Variants in CAPSL observed in about 807,000 individuals in gnomAD.
The protein encoded by CAPSL is calcyphosine like.
CAPSL carries 17 observed loss-of-function variants against 21.3 expected under a neutral mutation model. That is an observed-to-expected ratio of 0.80 (90% CI 0.55 to 1.20). The LOEUF (loss-of-function observed/expected upper bound fraction) is 1.20. Ranked by LOEUF, CAPSL falls within the 50% of genes most tolerant of loss-of-function variation. The pLI is 0.00. For missense variants in CAPSL, 289 were observed against 259.3 expected (o/e 1.11, Z -0.79); for synonymous variants, 102 against 89.3 (o/e 1.14, Z -0.80).
In CAPSL at chr5:35,910,047, A is replaced by G; in HGVS notation, c.344T>C (p.Val115Ala). ...TAACTTTCTAAAAGCTTGCATGATT[A>G]CCTCTTTTCTGGCTCTGGACATTGG... ...RPPMSRARKE[V>A]IMQAFRKLDK... The change falls in exon 4 of 5, where the codon GTA becomes GCA. Residue 115 changes from valine to alanine, a missense_variant. Transcript: ENST00000651391. 6.2e-7 allele frequency: 1 copy of G among 1,612,426 alleles called. No homozygotes were observed. Among genetic ancestry groups the G allele is most frequent in the Non-Finnish European group, 8.5e-7 (1 of 1,179,498 alleles).
chr5:35,925,112 C>A (rs852242), intron 1 of CAPSL, among the ~76,000 whole-genome samples: 1 of 152,080 alleles, frequency 6.6e-6, no homozygotes, highest in East Asian at 1.9e-4. Flanking sequence ...TCTGCACATT[C>A]CCCCGGCCAG....
In CAPSL at chr5:35,909,992, G is replaced by T. The variant is rs1428840754; in HGVS notation, c.399C>A (p.Ile133=). Residue 133 remains isoleucine (I), a synonymous_variant, in exon 4 of 5, where the codon ATC becomes ATA. Coordinates refer to ENST00000651391, the MANE Select transcript of CAPSL (RefSeq NM_001042625.2). ...CATTATATACTTCACGAAGGTCTTC[G>T]ATTGTTATAACACCATCTCCAGTCT... The part of the protein sequence containing the change: ...LDKTGDGVIT[I]EDLREVYNAK... 2 of 1,613,740 alleles carry T rather than the reference G, an allele frequency of 1.2e-6. No individual in the cohort carries two copies. Among genetic ancestry groups the T allele is most frequent in the East Asian group, 2.2e-5 (1 of 44,872 alleles).
chr5:35,919,389 C>T (rs986472477), intron 2 of CAPSL, among the ~76,000 whole-genome samples: 28 of 152,022 alleles, frequency 1.8e-4, no homozygotes, highest in Middle Eastern at 3.4e-3. Context: ...TAAGAAAGAA[C>T]GTATACTGTT....
At chr5:35,923,357 T>C (rs1166750175) in intron 1 of CAPSL, among the ~76,000 whole-genome samples, 1 of 152,178 alleles carries the variant, frequency 6.6e-6, no homozygotes, top group Non-Finnish European at 1.5e-5. Flanking sequence ...GCATCAGTGG[T>C]GCCCCCACTA....
At chr5:35,936,463 C>T (rs1738949690) in intron 1 of CAPSL, among the ~76,000 whole-genome samples, 1 of 152,188 alleles carries the variant, frequency 6.6e-6, no homozygotes, top group African/African-American at 2.4e-5. Context: ...CTTTCTCATG[C>T]CCCATTCATA....
chr5:35,936,897 A>T (rs1738960951), intron 1 of CAPSL, among the ~76,000 whole-genome samples: 1 of 152,214 alleles, frequency 6.6e-6, no homozygotes, highest in African/African-American at 2.4e-5. Flanking sequence ...ACCTACAGAC[A>T]CTTTCAGTTT....
chr5:35,919,192 A>ATATATATATATAT (rs1561439742), intron 2 of CAPSL, among the ~76,000 whole-genome samples: 61 of 108,230 alleles, frequency 5.6e-4, no homozygotes, highest in African/African-American at 1.8e-3. Context: ...TATATATATA[A>ATATATATATATAT]AAATTGTGAA....
At chr5:35,916,542 C>T (rs1738391573) in intron 2 of CAPSL, among the ~76,000 whole-genome samples, 1 of 151,960 alleles carries the variant, frequency 6.6e-6, no homozygotes, top group African/African-American at 2.4e-5. Flanking sequence ...CAGAACAGAG[C>T]CCTCAGAAAT....
At chr5:35,937,927 T>C (rs1178706946) in intron 1 of CAPSL, among the ~76,000 whole-genome samples, 4 of 151,966 alleles carry the variant, frequency 2.6e-5, no homozygotes, top group Non-Finnish European at 2.9e-5. Context: ...GCCTGGGTCA[T>C]TGGTGTTGTC....
chr5:35,915,157 T>C (rs958591049), intron 2 of CAPSL, among the ~76,000 whole-genome samples: 4 of 151,938 alleles, frequency 2.6e-5, no homozygotes, highest in Non-Finnish European at 4.4e-5. Context: ...AAGACTAAAC[T>C]AGGAAGAAGT....
intron 1 of CAPSL, among the ~76,000 whole-genome samples, chr5:35,932,374 T>C (rs993328017): frequency 1.3e-5 from 2 of 152,116 alleles, no homozygotes; most frequent in African/African-American, 2.4e-5. Flanking sequence ...TCCTACATAA[T>C]AGCCATAGCA....
At position 35,927,849 on chromosome 5, in the gene CAPSL, C is replaced by A. The variant is rs188719256; in HGVS notation, c.1-6729G>T. On this transcript the variant is annotated intron_variant, in intron 1 of 4. Transcript: ENST00000651391. ...ATTCAATAAACTAGCTATTACTACA[C>A]GGTAGATGGCAAAAACCCATAGTTC... Among the ~76,000 whole-genome samples, 6 of 152,280 alleles carry A rather than the reference C, an allele frequency of 3.9e-5. 1 individual carries two copies. In the South Asian group the frequency reaches 1.2e-3, roughly 32 times the overall value.
At position 35,910,022 on chromosome 5, in the gene CAPSL, T is replaced by C; in HGVS notation, c.369A>G (p.Leu123=). Residue 123 remains leucine (L), a synonymous_variant, in exon 4 of 5, where the codon TTA becomes TTG. Transcript: ENST00000651391. ...TTATAACACCATCTCCAGTCTTGTC[T>C]AACTTTCTAAAAGCTTGCATGATTA... ...KEVIMQAFRK[L]DKTGDGVITI... The C allele has an allele frequency of 6.2e-7, 1 of 1,613,420 alleles. No individual in the cohort carries two copies. The highest frequency in any genetic ancestry group is 8.5e-7 in the Non-Finnish European group (1 of 1,179,810).
rs76254880 is a variant in CAPSL, at chr5:35,909,938, C to T, written c.453G>A (p.Gly151=). 6.9e-4 allele frequency: 1,108 copies of T among 1,613,862 alleles called. 14 individuals are homozygous for T. In the East Asian group the frequency reaches 0.021, roughly 31 times the overall value. The part of the protein sequence containing the change: ...NAKHHPKYQN[G]EWSEEQVFRK... Reference sequence around the variant, plus strand: ...TAAATACTTGTTCCTCACTCCATTCCCCATTCTGGTACTTTGGGTGGTGTT... The same window carrying T: ...TAAATACTTGTTCCTCACTCCATTCTCCATTCTGGTACTTTGGGTGGTGTT... The change falls in exon 4 of 5, where the codon GGG becomes GGA. Residue 151 remains glycine, a synonymous_variant. Coordinates refer to ENST00000651391, the MANE Select transcript of CAPSL (RefSeq NM_001042625.2).
intron 1 of CAPSL, among the ~76,000 whole-genome samples, chr5:35,935,485 A>T (rs1357834938): frequency 6.6e-6 from 1 of 151,804 alleles, no homozygotes; most frequent in Non-Finnish European, 1.5e-5. Context: ...GGTGCACACC[A>T]CAATACCCAA....
intron 1 of CAPSL, among the ~76,000 whole-genome samples, chr5:35,931,277 C>T (rs75599445): frequency 0.12 from 18,543 of 152,046 alleles, 1,457 homozygotes; most frequent in Non-Finnish European, 0.18. Flanking sequence ...TCAACTACCC[C>T]TGAGACTCAT....
intron 1 of CAPSL, among the ~76,000 whole-genome samples, chr5:35,932,174 T>C (rs193022756): frequency 3.8e-4 from 58 of 152,326 alleles, no homozygotes; most frequent in Non-Finnish European, 1.0e-4. Flanking sequence ...TCCAATGTCA[T>C]AGTGCCAACA....
intron 2 of CAPSL, among the ~76,000 whole-genome samples, chr5:35,918,840 C>A (rs2149923964): frequency 6.6e-6 from 1 of 151,998 alleles, no homozygotes; most frequent in East Asian, 1.9e-4. Context: ...GCAAAGGAAC[C>A]AGCAAGAATA....
intron 1 of CAPSL, among the ~76,000 whole-genome samples, chr5:35,933,784 T>G (rs1738877835): frequency 6.6e-6 from 1 of 152,202 alleles, no homozygotes; most frequent in African/African-American, 2.4e-5. Context: ...TCTCTCAAAC[T>G]ACACTTTTTA....
Sources: gnomAD v4.1 joint callset for allele counts (sites outside exome capture counted in the v4.1 genomes callset) on GRCh38, gnomAD v4.1.1 for gene constraint, MANE v1.5 for transcripts, NCBI Gene and HGNC (gene_info 2026-07-23, HGNC 2026-07-21) for gene names.